The following RAB3GAP1 variants were observed in gnomAD, a reference collection of about 807,000 sequenced individuals.
The protein encoded by RAB3GAP1 is rab3 GTPase-activating protein catalytic subunit.
A neutral mutation model predicts 130.7 loss-of-function variants in RAB3GAP1; 86 were observed. That is an observed-to-expected ratio of 0.66 (90% CI 0.55 to 0.79). RAB3GAP1 has a LOEUF of 0.79. RAB3GAP1 is among the 30% of genes least tolerant of loss of function. The pLI, the probability that RAB3GAP1 is intolerant of heterozygous loss-of-function variation, is 0.00. For missense variants in RAB3GAP1, 1,029 were observed against 1,169.4 expected (o/e 0.88, Z 1.75); for synonymous variants, 367 against 401.7 (o/e 0.91, Z 1.03).
At chr2:135,117,597 G>GCTT (rs1691039898) in intron 7 of RAB3GAP1, among the ~76,000 whole-genome samples, 64 of 17,674 alleles carry the variant, frequency 3.6e-3, no homozygotes, top group African/African-American at 6.5e-3. Flanking sequence ...TTCTTCTGCT[G>GCTT]CTTCTTCTGC....
chr2:135,103,034 G>GTTTTTTTTTTTTTTTTTTTT (rs1355666279), intron 5 of RAB3GAP1, among the ~76,000 whole-genome samples: 1 of 100,478 alleles, frequency 1.0e-5, no homozygotes, highest in African/African-American at 6.8e-5. Flanking sequence ...TCATTTTTGT[G>GTTTTTTTTTTTTTTTTTTTT]ATTTTTTTTT....
At chr2:135,126,306 C>A in intron 10 of RAB3GAP1, 57 bp downstream of exon 10, 3 of 1,282,312 alleles carry the variant, frequency 2.3e-6, no homozygotes, top group Non-Finnish European at 3.3e-6. Flanking sequence ...TAGAATAACT[C>A]TCAAATTGCT....
At position 135,117,786 on chromosome 2, in the gene RAB3GAP1, GCTTCTT is replaced by G. The variant is rs1164520454; in HGVS notation, c.648+2424_648+2429del. Among the ~76,000 whole-genome samples, 303 of 119,308 alleles carry G rather than the reference GCTTCTT, an allele frequency of 2.5e-3. 3 individuals are homozygous for G. The highest frequency in any genetic ancestry group is 7.7e-3 in the East Asian group (34 of 4,434). 78.3% of individuals were successfully genotyped at this position (119,308 alleles called of 152,430 possible). On this transcript the variant is annotated intron_variant, in intron 7 of 23. Transcript: ENST00000264158. ...TTCTGCTGCTTCTTCTGCTTCTTCT[GCTTCTT>G]CTTCTTCTTCTTCTTCTTTCTTCTT...
In RAB3GAP1 at chr2:135,134,739, C is replaced by G. The variant is rs140047538; in HGVS notation, c.1500-526C>G. 9.8e-5 allele frequency among the ~76,000 whole-genome samples: 15 copies of G among 152,304 alleles called. No individual in the cohort carries two copies. The East Asian group carries it at 2.9e-3, about 29-fold the overall frequency. On this transcript the variant is annotated intron_variant, in intron 15 of 23. Coordinates refer to ENST00000264158, the MANE Select transcript of RAB3GAP1 (RefSeq NM_012233.3). ...AGACAGTCCGCTCTGGAACATTTTA[C>G]AGACCCAGAAGCATGTTGAATATGA...
At chr2:135,103,035 A>ATTTTTTTTTTTTTTTTTTTTT (rs539310402) in intron 5 of RAB3GAP1, among the ~76,000 whole-genome samples, 17 of 90,886 alleles carry the variant, frequency 1.9e-4, no homozygotes, top group African/African-American at 6.0e-4. Context: ...CATTTTTGTG[A>ATTTTTTTTTTTTTTTTTTTTT]TTTTTTTTTT....
chr2:135,117,747 TCTGCTTCTGCTTCTTCTG>T (rs1691063598), intron 7 of RAB3GAP1, among the ~76,000 whole-genome samples: 2 of 86,468 alleles, frequency 2.3e-5, no homozygotes, highest in African/African-American at 4.1e-5. Context: ...TGCTTCTTCT[TCTGCTTCTGCTTCTTCTG>T]CTGCTTCTTC....
intron 7 of RAB3GAP1, among the ~76,000 whole-genome samples, chr2:135,116,101 G>C (rs906450275): frequency 3.3e-5 from 5 of 152,128 alleles, no homozygotes; most frequent in African/African-American, 1.2e-4. Flanking sequence ...TAAATTTGGA[G>C]TATGTTAAGT....
intron 19 of RAB3GAP1, among the ~76,000 whole-genome samples, chr2:135,162,026 A>G (rs1692479250): frequency 6.6e-6 from 1 of 152,172 alleles, no homozygotes; most frequent in Non-Finnish European, 1.5e-5. Context: ...TTGAATAAGG[A>G]GCCTAAAGGT....
At chr2:135,092,423 A>G (rs1020099291) in intron 4 of RAB3GAP1, among the ~76,000 whole-genome samples, 1 of 152,090 alleles carries the variant, frequency 6.6e-6, no homozygotes, top group Non-Finnish European at 1.5e-5. Flanking sequence ...GGTACAATGA[A>G]GGTGAATTAT....
intron 3 of RAB3GAP1, among the ~76,000 whole-genome samples, chr2:135,081,327 A>AATATATATATATATATAT (rs1214688390): frequency 6.2e-5 from 4 of 64,048 alleles, no homozygotes; most frequent in Non-Finnish European, 9.4e-5. Flanking sequence ...AAAAAAAAAA[A>AATATATATATATATATAT]ATATATATAT....
At chr2:135,164,739 C>A in intron 23 of RAB3GAP1, 43 bp downstream of exon 23, 1 of 1,485,734 alleles carries the variant, frequency 6.7e-7, no homozygotes, top group Non-Finnish European at 9.3e-7. Flanking sequence ...TCTCTCCAAA[C>A]CTCTACTTGG....
intron 3 of RAB3GAP1, among the ~76,000 whole-genome samples, chr2:135,068,490 C>T (rs371253054): frequency 8.7e-5 from 13 of 149,276 alleles, no homozygotes; most frequent in South Asian, 4.2e-4. Context: ...CCGTGGCTCA[C>T]GCCTGTAATC....
chr2:135,119,409 C>T (rs924805831), intron 7 of RAB3GAP1, among the ~76,000 whole-genome samples: 7 of 152,270 alleles, frequency 4.6e-5, no homozygotes, highest in African/African-American at 1.7e-4. Context: ...TGCGCTTGGC[C>T]ATAATTATTT....
chr2:135,160,687 A>AG (rs1339535091), intron 19 of RAB3GAP1, among the ~76,000 whole-genome samples: 4 of 150,958 alleles, frequency 2.6e-5, no homozygotes, highest in African/African-American at 4.8e-5. Context: ...AAAAAAAAAA[A>AG]AAAAAAAAAA....
At chr2:135,138,171 G>T (rs1691730805) in intron 17 of RAB3GAP1, among the ~76,000 whole-genome samples, 2 of 151,528 alleles carry the variant, frequency 1.3e-5, no homozygotes, top group South Asian at 4.2e-4. Context: ...AAAAATGAAA[G>T]AGGCTCAACG....
intron 5 of RAB3GAP1, among the ~76,000 whole-genome samples, chr2:135,108,740 T>C (rs1690706091): frequency 1.3e-5 from 2 of 152,226 alleles, no homozygotes; most frequent in African/African-American, 4.8e-5. Context: ...GTGCCTTTGG[T>C]GTTGCATCTA....
In RAB3GAP1 at chr2:135,164,659, G is replaced by A. The variant is rs1385969329; in HGVS notation, c.2672G>A (p.Gly891Asp). 1.9e-6 allele frequency: 3 copies of A among 1,613,208 alleles called. 1 individual carries two copies. Among genetic ancestry groups the A allele is most frequent in the South Asian group, 2.2e-5 (2 of 91,038 alleles). Residue 891 changes from glycine (G) to aspartate (D), a missense_variant, in exon 23 of 24, where the codon GGC becomes GAC. Physicochemically the swap from Gly to Asp is moderately conservative, Grantham distance 94. This residue lies in a region of RAB3GAP1 where 146 missense variants were observed against 143.7 expected (regional missense o/e 1.02). Coordinates refer to ENST00000264158, the MANE Select transcript of RAB3GAP1 (RefSeq NM_012233.3). ...ACCGGTGCAGGAAGAGGACATGCTG[G>A]CAGGATCATTCACAAGCTGTTTGTG... ...LVTGAGRGHA[G>D]RIIHKLFVNA...
intron 23 of RAB3GAP1, among the ~76,000 whole-genome samples, chr2:135,168,041 G>A (rs1692710860): frequency 6.6e-6 from 1 of 151,900 alleles, no homozygotes; most frequent in Non-Finnish European, 1.5e-5. Context: ...CTATCACTTC[G>A]GCATCACATT....
At chr2:135,126,275 A>C in intron 10 of RAB3GAP1, 26 bp downstream of exon 10, 1 of 1,554,542 alleles carries the variant, frequency 6.4e-7, no homozygotes, top group Non-Finnish European at 8.8e-7. Context: ...GTAGTAGTAC[A>C]CTGAGATTAA....
Sources: gnomAD v4.1 joint callset for allele counts (sites outside exome capture counted in the v4.1 genomes callset) on GRCh38, gnomAD v4.1.1 for gene constraint, gnomAD v4.1.1 regional missense constraint, MANE v1.5 for transcripts, NCBI Gene and HGNC (gene_info 2026-07-23, HGNC 2026-07-21) for gene names.